Variants in ADAM23 observed in about 807,000 individuals in gnomAD.
ADAM23 encodes ADAM metallopeptidase domain 23.
Under a neutral mutation model 120.1 loss-of-function variants are expected in ADAM23, and 33 were observed. The observed-to-expected ratio is 0.27, with a 90% CI of 0.21 to 0.37. The LOEUF is 0.37. Among genes scored for constraint, ADAM23 ranks in the 10% least tolerant of loss-of-function variants. ADAM23 has a pLI of 1.00. For synonymous variants in ADAM23, 367 were observed against 375.2 expected, an observed-to-expected ratio of 0.98 and a Z score of 0.25; for missense variants, 862 against 1,058.2, an observed-to-expected ratio of 0.81 and a Z score of 2.57.
chr2:206,606,309 T>C (rs1420014461), intron 24 of ADAM23, among the ~76,000 whole-genome samples: 1 of 152,226 alleles, frequency 6.6e-6, no homozygotes, highest in Non-Finnish European at 1.5e-5. Context: ...TCAACAGTTA[T>C]AGGACCTTTT....
At chr2:206,489,293 A>G (rs1400451940) in intron 3 of ADAM23, among the ~76,000 whole-genome samples, 10 of 152,112 alleles carry the variant, frequency 6.6e-5, no homozygotes, top group Admixed American at 5.2e-4. Flanking sequence ...TTTCTCTCCA[A>G]CTAGCAGCCC....
chr2:206,499,505 A>AG lies in ADAM23; in HGVS notation c.509+18203dup, dbSNP rs1003866171. 3.3e-4 allele frequency among the ~76,000 whole-genome samples: 34 copies of AG among 102,168 alleles called. 1 individual carries two copies. The highest frequency in any genetic ancestry group is 1.0e-3 in the African/African-American group (27 of 26,674). The allele number at this position is 102,168 out of a possible 152,430, so 67.0% of individuals were successfully genotyped here. On this transcript the variant is annotated intron_variant, in intron 3 of 25. Coordinates refer to ENST00000264377, the MANE Select transcript of ADAM23 (RefSeq NM_003812.4). ...CCAGGGACTGTTGTGGGGTGGGGGG[A>AG]GGGGGGATAGCATTAGGAGATATAC...
At chr2:206,587,539 T>C (rs1334862784) in intron 19 of ADAM23, among the ~76,000 whole-genome samples, 164 bp downstream of exon 19, 2 of 151,298 alleles carry the variant, frequency 1.3e-5, no homozygotes, top group Non-Finnish European at 2.9e-5. Context: ...TGCCAAATAT[T>C]AAATATATTT....
chr2:206,550,652 A>G (rs1697502777), intron 9 of ADAM23, among the ~76,000 whole-genome samples: 2 of 137,966 alleles, frequency 1.4e-5, no homozygotes. Context: ...CCCAGCCTGG[A>G]GTACAGTGGC....
chr2:206,600,460 T>G (rs1386721125), intron 24 of ADAM23, among the ~76,000 whole-genome samples: 1 of 152,116 alleles, frequency 6.6e-6, no homozygotes, highest in Non-Finnish European at 1.5e-5. Context: ...AGAAACATAA[T>G]GAAAATATGG....
At chr2:206,617,502 C>T in intron 25 of ADAM23, 77 bp from the exon 26 acceptor site, 4 of 1,450,506 alleles carry the variant, frequency 2.8e-6, no homozygotes, top group Non-Finnish European at 2.8e-6. Flanking sequence ...TTATCATCAC[C>T]ATTCTGTCAT....
intron 11 of ADAM23, 49 bp from the exon 12 acceptor site, chr2:206,561,079 A>G: frequency 6.5e-7 from 1 of 1,537,254 alleles, no homozygotes; most frequent in Non-Finnish European, 9.0e-7. Flanking sequence ...GAGAGTATGA[A>G]ATGATGGTCC....
intron 23 of ADAM23, 87 bp downstream of exon 23, chr2:206,594,992 C>A: frequency 6.6e-7 from 1 of 1,522,932 alleles, no homozygotes; most frequent in Non-Finnish European, 8.9e-7. Flanking sequence ...ATTCTCCTAG[C>A]CAACATGGTG....
At chr2:206,487,858 A>T (rs959993043) in intron 3 of ADAM23, among the ~76,000 whole-genome samples, 8 of 152,228 alleles carry the variant, frequency 5.3e-5, no homozygotes, top group African/African-American at 1.9e-4. Context: ...ATGCCCAGGG[A>T]GAACTCCGGG....
chr2:206,493,479 TCTC>T (rs1406175498), intron 3 of ADAM23, among the ~76,000 whole-genome samples: 1 of 152,150 alleles, frequency 6.6e-6, no homozygotes. Context: ...TTCAAGCAAT[TCTC>T]CTACCTCAGC....
Position 206,557,516 on chromosome 2 carries a change from C to G in ADAM23, c.1005+18C>G. On this transcript the variant is annotated intron_variant, in intron 10 of 25. Transcript: ENST00000264377. Reference sequence around the variant, plus strand: ...TGGATTCTGTAAGTATCCTGGTTTTCTTGAATTTGTGTGCCAAGATGGAAT... The same window carrying G: ...TGGATTCTGTAAGTATCCTGGTTTTGTTGAATTTGTGTGCCAAGATGGAAT... 1 of 1,596,198 alleles carries G rather than the reference C, an allele frequency of 6.3e-7. No homozygotes were observed. Among genetic ancestry groups the G allele is most frequent in the Non-Finnish European group, 8.6e-7 (1 of 1,163,750 alleles).
intron 4 of ADAM23, among the ~76,000 whole-genome samples, chr2:206,532,454 G>T (rs959074206): frequency 1.3e-5 from 2 of 151,934 alleles, no homozygotes; most frequent in Non-Finnish European, 2.9e-5. Context: ...AACTTAAAAG[G>T]TATTTCAACT....
intron 18 of ADAM23, among the ~76,000 whole-genome samples, chr2:206,586,254 G>C (rs115697971): frequency 6.6e-6 from 1 of 152,184 alleles, no homozygotes; most frequent in South Asian, 2.1e-4. Flanking sequence ...CCTTTTTAAA[G>C]AGATCACTCT....
chr2:206,606,541 T>G (rs1475158150), intron 24 of ADAM23: 1 of 152,192 alleles, frequency 6.6e-6, no homozygotes, highest in Non-Finnish European at 1.5e-5. Context: ...TAACCATAAG[T>G]GAACAGCTGC....
At chr2:206,494,285 G>A (rs773146806) in intron 3 of ADAM23, among the ~76,000 whole-genome samples, 8 of 152,208 alleles carry the variant, frequency 5.3e-5, no homozygotes, top group Non-Finnish European at 8.8e-5. Context: ...ACTTACTAGT[G>A]TCTGAGGCTC....
At chr2:206,542,385 G>C (rs1697309584) in intron 5 of ADAM23, among the ~76,000 whole-genome samples, 1 of 152,208 alleles carries the variant, frequency 6.6e-6, no homozygotes, top group Non-Finnish European at 1.5e-5. Flanking sequence ...GGGAAGGACA[G>C]ATGCTTGTGG....
intron 3 of ADAM23, among the ~76,000 whole-genome samples, chr2:206,515,772 A>G (rs1696717104): frequency 6.6e-6 from 1 of 152,088 alleles, no homozygotes; most frequent in Non-Finnish European, 1.5e-5. Context: ...TTTTTAGAGA[A>G]GGAGAAAGTT....
At chr2:206,522,699 A>G (rs907596824) in intron 3 of ADAM23, among the ~76,000 whole-genome samples, 2 of 152,164 alleles carry the variant, frequency 1.3e-5, no homozygotes, top group African/African-American at 2.4e-5. Context: ...CACCAACTAC[A>G]TTCATTATTA....
chr2:206,558,998 G>A (rs1697704628), intron 10 of ADAM23, among the ~76,000 whole-genome samples: 1 of 152,130 alleles, frequency 6.6e-6, no homozygotes, highest in African/African-American at 2.4e-5. Context: ...AGGCTGGAGT[G>A]CAGTGGCACG....
Sources: allele counts gnomAD v4.1 joint callset (sites outside exome capture counted in the v4.1 genomes callset), GRCh38; gene constraint gnomAD v4.1.1; transcripts MANE v1.5; gene names NCBI Gene and HGNC (gene_info 2026-07-23, HGNC 2026-07-21).